Variants in PDE1A observed in about 807,000 individuals in gnomAD.
PDE1A encodes the protein dual specificity calcium/calmodulin-dependent 3',5'-cyclic nucleotide phosphodiesterase 1A.
A neutral mutation model predicts 61.7 loss-of-function variants in PDE1A; 35 were observed. The ratio of observed to expected loss-of-function variants is 0.57; its 90% CI spans 0.43 to 0.75. The LOEUF (loss-of-function observed/expected upper bound fraction) is 0.75, where lower values mean the gene tolerates loss of function less well. PDE1A is among the 30% of genes least tolerant of loss of function. The probability of loss-of-function intolerance (pLI) is 0.00; values close to 1 mark genes in which losing one functional copy is unlikely to be tolerated. For synonymous variants in PDE1A, 232 were observed against 213.2 expected (o/e 1.09, Z -0.77); for missense variants, 597 against 630.6 (o/e 0.95, Z 0.57).
At chr2:182,540,487 T>C in the PDE1A span, among the ~76,000 whole-genome samples, 2 of 152,072 alleles carry the variant, frequency 1.3e-5, no homozygotes, top group Non-Finnish European at 2.9e-5. Context: ...GAAGCTATTT[T>C]GCAAGGGACT....
At chr2:182,624,872 C>A in the PDE1A span, among the ~76,000 whole-genome samples, 1 of 152,098 alleles carries the variant, frequency 6.6e-6, no homozygotes, top group Non-Finnish European at 1.5e-5. Flanking sequence ...ACCTAGCTAA[C>A]CCCAAACCTC....
intron 1 of PDE1A, among the ~76,000 whole-genome samples, chr2:182,326,406 T>C (rs576021489): frequency 1.5e-4 from 23 of 152,304 alleles, no homozygotes; most frequent in African/African-American, 5.5e-4. Flanking sequence ...TAAATTCTGG[T>C]ATATGTTACA....
the PDE1A span, among the ~76,000 whole-genome samples, chr2:182,608,146 A>T: frequency 6.6e-6 from 1 of 152,156 alleles, no homozygotes; most frequent in Non-Finnish European, 1.5e-5. Flanking sequence ...TAGCCTAGAA[A>T]CTAGAATTCC....
intron 13 of PDE1A, among the ~76,000 whole-genome samples, chr2:182,184,261 GA>G (rs67827399): frequency 0.73 from 108,220 of 148,198 alleles, 39,453 homozygotes; most frequent in East Asian, 0.91. Flanking sequence ...GTAGAATACT[GA>G]AAAAAAAAAA....
At chr2:182,559,132 GT>G in the PDE1A span, among the ~76,000 whole-genome samples, 1 of 152,122 alleles carries the variant, frequency 6.6e-6, no homozygotes, top group Non-Finnish European at 1.5e-5. Context: ...CCAGTGATCA[GT>G]TTTTTAAAAA....
intron 1 of PDE1A, among the ~76,000 whole-genome samples, chr2:182,276,981 C>T (rs889214678): frequency 3.9e-5 from 6 of 152,004 alleles, no homozygotes; most frequent in East Asian, 1.9e-4. Flanking sequence ...TCTCTGCTCT[C>T]GAACGCTGTT....
downstream of PDE1A, among the ~76,000 whole-genome samples, chr2:182,166,441 C>G (rs931339731): frequency 6.6e-6 from 1 of 152,178 alleles, no homozygotes; most frequent in African/African-American, 2.4e-5. Flanking sequence ...CTTGGACATT[C>G]AGCTCCAGGT....
intron 1 of PDE1A, among the ~76,000 whole-genome samples, chr2:182,274,046 C>G (rs1693230221): frequency 6.6e-6 from 1 of 152,062 alleles, no homozygotes; most frequent in Non-Finnish European, 1.5e-5. Context: ...AGATGGCTGT[C>G]TTCTCACTGT....
At chr2:182,164,723 A>G (rs1259193966), downstream of PDE1A, among the ~76,000 whole-genome samples, 1 of 152,102 alleles carries the variant, frequency 6.6e-6, no homozygotes, top group Non-Finnish European at 1.5e-5. Context: ...ACAGACCAAT[A>G]GTGAGCCCTA....
intron 1 of PDE1A, among the ~76,000 whole-genome samples, chr2:182,370,505 C>T (rs1202342867): frequency 6.6e-6 from 1 of 152,124 alleles, no homozygotes; most frequent in African/African-American, 2.4e-5. Context: ...CAATGTCAGG[C>T]AATTTTTCTT....
the PDE1A span, among the ~76,000 whole-genome samples, chr2:182,613,480 G>A: frequency 2.6e-5 from 4 of 151,404 alleles, no homozygotes; most frequent in Admixed American, 6.6e-5. Flanking sequence ...GGAGAATTGC[G>A]TGAACCTAGG....
chr2:182,519,709 T>C (rs943206895), intron 2 of PDE1A, among the ~76,000 whole-genome samples: 1 of 151,888 alleles, frequency 6.6e-6, no homozygotes, highest in African/African-American at 2.4e-5. Flanking sequence ...CAAAAGACTC[T>C]CTAAAATGTT....
chr2:182,375,394 G>T (rs969562736), intron 1 of PDE1A, among the ~76,000 whole-genome samples: 1 of 152,170 alleles, frequency 6.6e-6, no homozygotes, highest in Non-Finnish European at 1.5e-5. Context: ...CCAAATGGGA[G>T]AAATTGATGA....
At chr2:182,287,752 A>T (rs1179245028) in intron 1 of PDE1A, among the ~76,000 whole-genome samples, 1 of 152,112 alleles carries the variant, frequency 6.6e-6, no homozygotes, top group Non-Finnish European at 1.5e-5. Context: ...TAGCTGACCA[A>T]TTTACTTGTA....
intron 1 of PDE1A, among the ~76,000 whole-genome samples, chr2:182,293,246 G>A (rs912479080): frequency 6.6e-6 from 1 of 152,022 alleles, no homozygotes; most frequent in Non-Finnish European, 1.5e-5. Context: ...TCAGAAATTT[G>A]AAAGTAAAAG....
intron 1 of PDE1A, among the ~76,000 whole-genome samples, chr2:182,302,391 C>T (rs1250651550): frequency 6.6e-6 from 1 of 152,144 alleles, no homozygotes; most frequent in Non-Finnish European, 1.5e-5. Context: ...TTTTTGTTTC[C>T]CAGTACATAT....
the PDE1A span, among the ~76,000 whole-genome samples, chr2:182,604,687 T>C: frequency 2.0e-5 from 3 of 152,330 alleles, no homozygotes; most frequent in Middle Eastern, 3.4e-3. Flanking sequence ...TTTCTGCATT[T>C]GTTGCTAATT....
intron 1 of PDE1A, among the ~76,000 whole-genome samples, chr2:182,301,337 G>A (rs1373837210): frequency 6.6e-6 from 1 of 152,168 alleles, no homozygotes; most frequent in Non-Finnish European, 1.5e-5. Context: ...TTAAATGCCA[G>A]TGGCTACTAT....
At chr2:182,437,666 G>C (rs186795836) in intron 2 of PDE1A, among the ~76,000 whole-genome samples, 1 of 151,994 alleles carries the variant, frequency 6.6e-6, no homozygotes, top group East Asian at 1.9e-4. Context: ...CAAAACAAAG[G>C]TTTGAACCTG....
Sources: gnomAD v4.1 joint callset for allele counts (sites outside exome capture counted in the v4.1 genomes callset) on GRCh38, gnomAD v4.1.1 for gene constraint, MANE v1.5 for transcripts, NCBI Gene and HGNC (gene_info 2026-07-23, HGNC 2026-07-21) for gene names.